Variants in TTLL11 observed in about 807,000 individuals in gnomAD.
The protein encoded by TTLL11 is tubulin tyrosine ligase like 11, also known as tubulin polyglutamylase TTLL11.
A neutral mutation model predicts 51.7 loss-of-function variants in TTLL11; 42 were observed. That is an observed-to-expected ratio of 0.81 (90% confidence interval 0.64 to 1.05). The LOEUF is 1.05. Among genes scored for constraint, TTLL11 ranks in the 50% least tolerant of loss-of-function variants. The pLI is 0.00. For synonymous variants in TTLL11, 381 were observed against 383.5 expected (o/e 0.99, Z 0.08); for missense variants, 799 against 940.4 (o/e 0.85, Z 1.97).
At chr9:121,888,100 T>C (rs1327374382) in intron 6 of TTLL11, among the ~76,000 whole-genome samples, 1 of 152,118 alleles carries the variant, frequency 6.6e-6, no homozygotes, top group Non-Finnish European at 1.5e-5. Context: ...CCCCTCCCCT[T>C]CCTCACCAGA....
intron 1 of TTLL11, among the ~76,000 whole-genome samples, chr9:122,078,148 T>G (rs1845906588): frequency 6.6e-6 from 1 of 151,932 alleles, no homozygotes; most frequent in Admixed American, 6.5e-5. Flanking sequence ...CAACTTAATA[T>G]TGGAAAAAGA....
intron 8 of TTLL11, among the ~76,000 whole-genome samples, chr9:121,825,701 G>A (rs1836730658): frequency 6.6e-6 from 1 of 152,088 alleles, no homozygotes; most frequent in Admixed American, 6.5e-5. Context: ...GCTTCCTGGT[G>A]GTGCTGATGC....
intron 8 of TTLL11, among the ~76,000 whole-genome samples, chr9:121,848,074 G>T (rs963626521): frequency 1.3e-5 from 2 of 151,994 alleles, no homozygotes; most frequent in Admixed American, 6.6e-5. Context: ...AGGTGTGGGG[G>T]CACATGCCTG....
In TTLL11 at chr9:121,995,758, T is replaced by C. The variant is rs1843237983; in HGVS notation, c.694-5988A>G. Among the ~76,000 whole-genome samples the C allele has an allele frequency of 6.6e-6, 1 of 152,146 alleles. No homozygotes were observed. The highest frequency in any genetic ancestry group is 2.4e-5 in the African/African-American group (1 of 41,424). Reference sequence around the variant, plus strand: ...CGGAACCAGGCCAGGTTGTCCGATATCTCCTACAGATGATTAATTCTGATA... The same window carrying C: ...CGGAACCAGGCCAGGTTGTCCGATACCTCCTACAGATGATTAATTCTGATA... On this transcript the variant is annotated intron_variant, in intron 3 of 8. Coordinates refer to ENST00000321582, the MANE Select transcript of TTLL11 (RefSeq NM_001139442.2). The surrounding 1 kb of genome is among the most constrained non-coding windows in gnomAD (Gnocchi z 4.4).
chr9:121,873,421 G>A (rs1838431286), intron 6 of TTLL11, among the ~76,000 whole-genome samples: 1 of 123,874 alleles, frequency 8.1e-6, no homozygotes, highest in African/African-American at 3.2e-5. Flanking sequence ...CCATTCTCCT[G>A]CCTCAGCCTC....
At chr9:121,974,224 T>C (rs1398776478) in intron 5 of TTLL11, 100 bp from the exon 6 acceptor site, 2 of 723,424 alleles carry the variant, frequency 2.8e-6, no homozygotes. Context: ...ATTTTGCTTA[T>C]GCTAATCTAT....
chr9:121,884,038 T>G (rs1838900005), intron 6 of TTLL11, among the ~76,000 whole-genome samples: 1 of 152,158 alleles, frequency 6.6e-6, no homozygotes. Flanking sequence ...ATACCAAATG[T>G]AAAGAACCCA....
At chr9:122,026,792 A>G (rs79195814) in intron 3 of TTLL11, among the ~76,000 whole-genome samples, 1 of 152,188 alleles carries the variant, frequency 6.6e-6, no homozygotes, top group East Asian at 1.9e-4. Flanking sequence ...ATCACCAGGG[A>G]TAAGACATCT....
Position 121,822,333 on chromosome 9 carries a change from G to A in TTLL11, c.*254C>T, listed in dbSNP as rs931065794. 9 of 320,704 alleles carry A rather than the reference G, an allele frequency of 2.8e-5. No homozygotes were observed. Among genetic ancestry groups the A allele is most frequent in the East Asian group, 5.2e-5 (1 of 19,116 alleles). 19.9% of individuals were successfully genotyped at this position (320,704 alleles called of 1,614,324 possible). A position where few individuals can be genotyped will look rare whatever the true frequency, so the allele number is the denominator to read the frequency against. Reference sequence around the variant, plus strand: ...CAGAATAGAAGGTGCCATCTGTCACGTTTTAGATGTCATATGTCCGATGAC... The same window carrying A: ...CAGAATAGAAGGTGCCATCTGTCACATTTTAGATGTCATATGTCCGATGAC... On this transcript the variant is annotated 3_prime_UTR_variant, in exon 9 of 9. Coordinates refer to ENST00000321582, the MANE Select transcript of TTLL11 (RefSeq NM_001139442.2). The surrounding 1 kb of genome is among the most constrained non-coding windows in gnomAD (Gnocchi z 5.8).
At chr9:122,084,843 G>A (rs1473833964) in intron 1 of TTLL11, among the ~76,000 whole-genome samples, 1 of 152,174 alleles carries the variant, frequency 6.6e-6, no homozygotes, top group Non-Finnish European at 1.5e-5. Context: ...TTTCCACACA[G>A]CTGGTGGGTA....
chr9:122,038,216 A>G lies in TTLL11; in HGVS notation c.559+1056T>C, dbSNP rs539559239. Among the ~76,000 whole-genome samples, 5 of 152,294 alleles carry G rather than the reference A, an allele frequency of 3.3e-5. No individual in the cohort carries two copies. In the South Asian group the frequency reaches 1.0e-3, roughly 32 times the overall value. ...AAAGTATTTATTATGGCATTATAAT[A>G]TGGTCTGTGTAATATATTAACATTT... On this transcript the variant is annotated intron_variant, in intron 2 of 8. Transcript: ENST00000321582.
chr9:122,083,855 T>A (rs1846056496), intron 1 of TTLL11, among the ~76,000 whole-genome samples: 1 of 152,096 alleles, frequency 6.6e-6, no homozygotes. Flanking sequence ...AAATTGGGAT[T>A]CTGGTGTCAC....
At position 121,822,411 on chromosome 9, in the gene TTLL11, T is replaced by G; in HGVS notation, c.*176A>C. The G allele has an allele frequency of 1.9e-6, 1 of 521,274 alleles. No individual in the cohort carries two copies. The allele number at this position is 521,274 out of a possible 1,614,324, so 32.3% of individuals were successfully genotyped here. On this transcript the variant is annotated 3_prime_UTR_variant, in exon 9 of 9. Coordinates refer to ENST00000321582, the MANE Select transcript of TTLL11 (RefSeq NM_001139442.2). The surrounding 1 kb of genome is among the most constrained non-coding windows in gnomAD (Gnocchi z 5.8). ...CAGGAGGTGTGAGGAGGAAGGCAGGTGAGAACCAGCCAGCCTGGTGAAGCA... is the reference window on the plus strand; with the variant it reads ...CAGGAGGTGTGAGGAGGAAGGCAGGGGAGAACCAGCCAGCCTGGTGAAGCA...
At chr9:121,835,134 G>A (rs770903838) in intron 8 of TTLL11, among the ~76,000 whole-genome samples, 8 of 152,148 alleles carry the variant, frequency 5.3e-5, no homozygotes, top group Non-Finnish European at 8.8e-5. Context: ...AGTGATCTCC[G>A]AGGATTCCAC....
At chr9:121,904,178 TC>T (rs1839857272) in intron 6 of TTLL11, among the ~76,000 whole-genome samples, 1 of 151,300 alleles carries the variant, frequency 6.6e-6, no homozygotes, top group African/African-American at 2.5e-5. Flanking sequence ...TTTGATACAT[TC>T]TTTTTTTTTT....
At chr9:121,869,718 T>C (rs1451540360) in intron 7 of TTLL11, among the ~76,000 whole-genome samples, 1 of 152,210 alleles carries the variant, frequency 6.6e-6, no homozygotes. Context: ...CGATCTCAAC[T>C]AATATTACAC....
intron 6 of TTLL11, among the ~76,000 whole-genome samples, chr9:121,923,980 A>G (rs1477884860): frequency 6.6e-6 from 1 of 152,154 alleles, no homozygotes. Context: ...AGACTTATTA[A>G]GGGGAAAACC....
chr9:122,061,149 CT>C (rs1312838882), intron 1 of TTLL11, among the ~76,000 whole-genome samples: 1 of 152,206 alleles, frequency 6.6e-6, no homozygotes, highest in African/African-American at 2.4e-5. Context: ...CATGGCCCCC[CT>C]CTCCATATGT....
chr9:121,993,252 C>T (rs1843165295), intron 3 of TTLL11, among the ~76,000 whole-genome samples: 1 of 152,192 alleles, frequency 6.6e-6, no homozygotes, highest in South Asian at 2.1e-4. Context: ...GTACACTTAA[C>T]ATACATACAA....
Sources: allele counts gnomAD v4.1 joint callset (sites outside exome capture counted in the v4.1 genomes callset), GRCh38; gene constraint gnomAD v4.1.1; non-coding constraint Gnocchi (gnomAD v3.1); transcripts MANE v1.5; gene names NCBI Gene and HGNC (gene_info 2026-07-23, HGNC 2026-07-21).